The following ZNF644 variants were observed in gnomAD, a reference collection of about 807,000 sequenced individuals.
ZNF644 encodes zinc finger motif enhancer binding protein 2.
A neutral mutation model predicts 108.0 loss-of-function variants in ZNF644; 20 were observed. The observed-to-expected ratio is 0.19, with a 90% CI of 0.13 to 0.27. The LOEUF (loss-of-function observed/expected upper bound fraction) is 0.27, where lower values mean the gene tolerates loss of function less well. Ranked by LOEUF, ZNF644 falls within the 10% of genes least tolerant of loss-of-function variation. ZNF644 has a pLI of 1.00. For missense variants in ZNF644, 1,338 were observed against 1,548.9 expected, an observed-to-expected ratio of 0.86 and a Z score of 2.29; for synonymous variants, 542 against 539.1, an observed-to-expected ratio of 1.01 and a Z score of -0.08.
intron 1 of ZNF644, among the ~76,000 whole-genome samples, chr1:90,995,154 A>G (rs554529035): frequency 2.6e-5 from 4 of 152,312 alleles, no homozygotes; most frequent in Admixed American, 1.3e-4. Context: ...CAAAGCAGTT[A>G]TTCTAAGTAT....
intron 2 of ZNF644, among the ~76,000 whole-genome samples, chr1:90,968,460 G>A (rs1237627491): frequency 2.0e-5 from 3 of 152,028 alleles, no homozygotes; most frequent in Non-Finnish European, 4.4e-5. Context: ...TTAATGTGAT[G>A]TGTGATAAAC....
At chr1:90,967,352 G>A (rs358687) in intron 2 of ZNF644, among the ~76,000 whole-genome samples, 2,112 of 152,292 alleles carry the variant, frequency 0.014, 37 homozygotes, top group African/African-American at 0.047. Flanking sequence ...CCCACTCTGT[G>A]TCAAGTTCCT....
At chr1:90,959,063 C>T (rs1382205332) in intron 2 of ZNF644, among the ~76,000 whole-genome samples, 2 of 151,936 alleles carry the variant, frequency 1.3e-5, no homozygotes, top group Admixed American at 6.6e-5. Context: ...AAAAACTCAA[C>T]AACAAAAAGA....
At chr1:90,974,035 AG>A (rs542675462) in intron 2 of ZNF644, among the ~76,000 whole-genome samples, 41 of 152,236 alleles carry the variant, frequency 2.7e-4, no homozygotes, top group Admixed American at 5.9e-4. Context: ...TTTATGGGAT[AG>A]GTGTCCGTAT....
chr1:90,946,749 C>CACAAA (rs1652554751), intron 2 of ZNF644, among the ~76,000 whole-genome samples: 1 of 151,208 alleles, frequency 6.6e-6, no homozygotes, highest in Non-Finnish European at 1.5e-5. Context: ...AATACCAAAA[C>CACAAA]ACAAAACAAA....
At chr1:91,000,116 T>C (rs1477118452) in intron 1 of ZNF644, among the ~76,000 whole-genome samples, 1 of 152,112 alleles carries the variant, frequency 6.6e-6, no homozygotes, top group Non-Finnish European at 1.5e-5. Flanking sequence ...ACTGTCAACA[T>C]TAGACAGATC....
intron 2 of ZNF644, among the ~76,000 whole-genome samples, chr1:90,969,531 T>TTC (rs1265766678): frequency 6.6e-6 from 1 of 152,162 alleles, no homozygotes; most frequent in East Asian, 1.9e-4. Flanking sequence ...TTGCACACAG[T>TTC]TCTGTGTAGT....
intron 2 of ZNF644, among the ~76,000 whole-genome samples, chr1:90,954,468 G>C (rs1409594525): frequency 6.6e-6 from 1 of 150,998 alleles, no homozygotes; most frequent in Non-Finnish European, 1.5e-5. Context: ...GTGCAGTATT[G>C]CCATCTCAGC....
At position 90,937,894 on chromosome 1, in the gene ZNF644, T is replaced by C. The variant is rs1389669054; in HGVS notation, c.3279A>G (p.Leu1093=). The C allele has an allele frequency of 6.2e-7, 1 of 1,613,758 alleles. No individual in the cohort carries two copies. Among genetic ancestry groups the C allele is most frequent in the Non-Finnish European group, 8.5e-7 (1 of 1,179,880 alleles). Residue 1093 remains leucine (L), a synonymous_variant, in exon 4 of 6, where the codon TTA becomes TTG. Transcript: ENST00000337393. ...MQNEEKYEKI[L]KALNSRRIIP... ...TAATACGACGACTGTTCAATGCCTTTAAGATTTTTTCATATTTTTCTTCAT... is the reference window on the plus strand; with the variant it reads ...TAATACGACGACTGTTCAATGCCTTCAAGATTTTTTCATATTTTTCTTCAT...
At chr1:90,920,779 C>A (rs1387853366) in intron 4 of ZNF644, among the ~76,000 whole-genome samples, 2 of 152,010 alleles carry the variant, frequency 1.3e-5, no homozygotes, top group Admixed American at 6.6e-5. Flanking sequence ...GAATCTCATG[C>A]ACTGAGAATC....
chr1:90,937,458 A>G, intron 4 of ZNF644, 27 bp downstream of exon 4: 1 of 1,613,248 alleles, frequency 6.2e-7, no homozygotes, highest in Non-Finnish European at 8.5e-7. Context: ...TAAACTGTGT[A>G]TAGCATAGTC....
chr1:90,969,036 A>G (rs564742418), intron 2 of ZNF644, among the ~76,000 whole-genome samples: 8 of 152,222 alleles, frequency 5.3e-5, no homozygotes, highest in Non-Finnish European at 8.8e-5. Flanking sequence ...CAAATAATTT[A>G]ACTCCACTCA....
chr1:91,014,748 A>AG (rs77426365), intron 1 of ZNF644, among the ~76,000 whole-genome samples: 38 of 151,704 alleles, frequency 2.5e-4, no homozygotes, highest in Middle Eastern at 6.8e-3. Context: ...ACTTGAAATA[A>AG]GGGGGGGGAG....
intron 1 of ZNF644, among the ~76,000 whole-genome samples, chr1:91,003,532 G>T (rs892177732): frequency 2.6e-5 from 4 of 152,044 alleles, no homozygotes; most frequent in African/African-American, 9.7e-5. Flanking sequence ...GGCCTGTCGT[G>T]GGGTGGGGGC....
At chr1:91,009,421 A>C (rs967528327) in intron 1 of ZNF644, among the ~76,000 whole-genome samples, 1 of 152,152 alleles carries the variant, frequency 6.6e-6, no homozygotes, top group Non-Finnish European at 1.5e-5. Context: ...ATAAACCATA[A>C]GGTACACTCA....
At chr1:90,981,477 T>C (rs893604258) in intron 2 of ZNF644, among the ~76,000 whole-genome samples, 9 of 151,216 alleles carry the variant, frequency 6.0e-5, no homozygotes, top group Non-Finnish European at 1.2e-4. Context: ...CATCCTAGAC[T>C]TTTTTTTTCT....
At position 90,982,332 on chromosome 1, in the gene ZNF644, C is replaced by T. The variant is rs530406392; in HGVS notation, c.22G>A (p.Asp8Asn). The change falls in exon 2 of 6, where the codon GAT becomes AAT. Residue 8 changes from aspartate (D) to asparagine (N), a missense_variant. Physicochemically the swap from Asp to Asn is conservative, Grantham distance 23. Coordinates refer to ENST00000337393, the MANE Select transcript of ZNF644 (RefSeq NM_201269.3). The part of the protein sequence containing the change: MRSFLQQ[D>N]VNKTKSRLNV... ...TACCTAGATTTTGTCTTATTAACAT[C>T]TTGCTGCAAGAACGATCTCATCCAA... The T allele has an allele frequency of 1.2e-6, 2 of 1,610,734 alleles. No homozygotes were observed. The highest frequency in any genetic ancestry group is 4.5e-5 in the East Asian group (2 of 44,694).
intron 1 of ZNF644, among the ~76,000 whole-genome samples, chr1:90,986,225 G>C (rs1302097630): frequency 1.3e-5 from 2 of 151,922 alleles, no homozygotes; most frequent in East Asian, 1.9e-4. Context: ...CATAACCACA[G>C]TCTGATCATG....
At chr1:91,021,287 T>C (rs1440772006) in intron 1 of ZNF644, 1 of 152,870 alleles carries the variant, frequency 6.5e-6, no homozygotes, top group African/African-American at 2.4e-5. Flanking sequence ...TGCTGTTACT[T>C]CCCAGGCACC....
Sources: allele counts gnomAD v4.1 joint callset (sites outside exome capture counted in the v4.1 genomes callset), GRCh38; gene constraint gnomAD v4.1.1; transcripts MANE v1.5; gene names NCBI Gene and HGNC (gene_info 2026-07-23, HGNC 2026-07-21).